CTNNA2: variants seen among roughly 807,000 people sequenced by gnomAD.
CTNNA2 encodes catenin alpha 2.
Under a neutral mutation model 101.0 loss-of-function variants are expected in CTNNA2, and 42 were observed. The observed-to-expected ratio is 0.42, with a 90% CI of 0.32 to 0.54. CTNNA2 has a LOEUF of 0.54. Among genes scored for constraint, CTNNA2 ranks in the 20% least tolerant of loss-of-function variants. The pLI is 0.14. For missense variants in CTNNA2, 871 were observed against 1,223.1 expected (o/e 0.71, Z 4.29); for synonymous variants, 450 against 456.4 (o/e 0.99, Z 0.18).
chr2:80,623,768 G>A (rs1671389107), intron 18 of CTNNA2, among the ~76,000 whole-genome samples: 1 of 151,844 alleles, frequency 6.6e-6, no homozygotes, highest in Admixed American at 6.6e-5. Context: ...GCACACAACA[G>A]GTGATTCATT....
intron 1 of CTNNA2, among the ~76,000 whole-genome samples, chr2:79,637,363 C>G (rs1344997193): frequency 6.6e-6 from 1 of 152,020 alleles, no homozygotes; most frequent in South Asian, 2.1e-4. Flanking sequence ...GCCCCATCTT[C>G]TAATAAGGCA....
upstream of CTNNA2, among the ~76,000 whole-genome samples, chr2:79,512,808 C>T (rs892393362): frequency 5.6e-4 from 85 of 151,446 alleles, 1 homozygote; most frequent in African/African-American, 2.0e-3. Context: ...CCAGGCCGCG[C>T]GCGCCCGCGG....
intron 4 of CTNNA2, among the ~76,000 whole-genome samples, chr2:79,437,024 A>G (rs1203200066): frequency 6.6e-6 from 1 of 152,034 alleles, no homozygotes; most frequent in Non-Finnish European, 1.5e-5. Context: ...ACCTGAGGTC[A>G]GGAGTTTGAG....
intron 2 of CTNNA2, among the ~76,000 whole-genome samples, chr2:79,718,848 T>C (rs1686285513): frequency 6.7e-6 from 1 of 149,276 alleles, no homozygotes; most frequent in Non-Finnish European, 1.5e-5. Context: ...GTGGTGGTGG[T>C]GGTGATTGTT....
intron 7 of CTNNA2, among the ~76,000 whole-genome samples, chr2:79,997,810 A>G (rs1406731841): frequency 1.3e-5 from 2 of 152,164 alleles, no homozygotes; most frequent in Admixed American, 6.5e-5. Flanking sequence ...CTCCTTGGCC[A>G]TGGAGAATTA....
chr2:79,649,895 C>T lies in CTNNA2; in HGVS notation c.-5-1657C>T, dbSNP rs142902073. On this transcript the variant is annotated intron_variant, in intron 1 of 18. Transcript: ENST00000402739. The stretch of plus-strand genomic sequence containing the variant: ...AGCTGTAAGAGAGCCAGTAAAGAGG[C>T]ACATTTCTACTAGTGCCTATTGTGA... 8.5e-3 allele frequency among the ~76,000 whole-genome samples: 1,289 copies of T among 152,126 alleles called. 26 individuals carry two copies. Among genetic ancestry groups the T allele is most frequent in the African/African-American group, 0.028 (1,172 of 41,516 alleles).
intron 7 of CTNNA2, among the ~76,000 whole-genome samples, chr2:80,048,979 G>T (rs1298779951): frequency 6.6e-6 from 1 of 152,154 alleles, no homozygotes; most frequent in Non-Finnish European, 1.5e-5. Flanking sequence ...ATGGTTAAAA[G>T]ACAGGCTGGG....
intron 7 of CTNNA2, among the ~76,000 whole-genome samples, chr2:80,110,299 C>T (rs1056777330): frequency 6.6e-6 from 1 of 152,086 alleles, no homozygotes; most frequent in Non-Finnish European, 1.5e-5. Flanking sequence ...ATGTTACCTC[C>T]CTTCATTCTG....
intron 2 of CTNNA2, among the ~76,000 whole-genome samples, chr2:79,256,443 T>A (rs1339552143): frequency 6.6e-6 from 1 of 152,050 alleles, no homozygotes; most frequent in East Asian, 1.9e-4. Flanking sequence ...CACTAATGAC[T>A]ATGAAATGAA....
Position 80,252,127 on chromosome 2 carries a change from G to C in CTNNA2, c.1057-141084G>C, listed in dbSNP as rs570238068. 1.7e-3 allele frequency among the ~76,000 whole-genome samples: 264 copies of C among 152,040 alleles called. 1 individual carries two copies. Among genetic ancestry groups the C allele is most frequent in the African/African-American group, 5.8e-3 (239 of 41,458 alleles). On this transcript the variant is annotated intron_variant, in intron 7 of 18. Coordinates refer to ENST00000402739, the MANE Select transcript of CTNNA2 (RefSeq NM_001282597.3). The stretch of plus-strand genomic sequence containing the variant: ...CTTAAAACATCCTATTAGATATTAC[G>C]GTAAGTTATTTACATCTCTCTGTGC...
At chr2:79,727,941 T>C (rs1309213179) in intron 2 of CTNNA2, among the ~76,000 whole-genome samples, 2 of 152,224 alleles carry the variant, frequency 1.3e-5, no homozygotes, top group South Asian at 2.1e-4. Context: ...TATTCCATGG[T>C]GTTTATGTGC....
At chr2:80,638,220 G>A (rs1184264323) in intron 18 of CTNNA2, among the ~76,000 whole-genome samples, 1 of 152,112 alleles carries the variant, frequency 6.6e-6, no homozygotes, top group African/African-American at 2.4e-5. Context: ...AACCTTGGGT[G>A]GTCAAGACAT....
chr2:79,340,644 T>C (rs570539903), intron 3 of CTNNA2, among the ~76,000 whole-genome samples: 4 of 151,930 alleles, frequency 2.6e-5, no homozygotes, highest in Non-Finnish European at 4.4e-5. Context: ...CCGTCCTGGC[T>C]AACACGGTGA....
Position 79,376,451 on chromosome 2 carries a change from G to GTTT in CTNNA2, c.-135+2440_-135+2442dup, listed in dbSNP as rs200549562. The stretch of plus-strand genomic sequence containing the variant: ...AGCCAAAATAGCCCCTTGTTGGTTG[G>GTTT]TTTTGTTTTTGTTTTTGTTTTTTTG... On this transcript the variant is annotated intron_variant, in intron 4 of 21. Transcript: ENST00000466387. 5.6e-3 allele frequency among the ~76,000 whole-genome samples: 829 copies of GTTT among 148,922 alleles called. 7 individuals carry two copies. Among genetic ancestry groups the GTTT allele is most frequent in the African/African-American group, 0.017 (712 of 40,798 alleles).
intron 7 of CTNNA2, chr2:80,305,252 A>C (rs1293105918): frequency 2.0e-6 from 2 of 985,150 alleles, no homozygotes; most frequent in Non-Finnish European, 1.2e-6. Flanking sequence ...GAGAGGGGAA[A>C]TGCTTTCCAA....
In CTNNA2 at chr2:79,909,639, C is replaced by T. The variant is rs2104322003; in HGVS notation, c.898C>T (p.Arg300Trp). 3 of 1,613,196 alleles carry T rather than the reference C, an allele frequency of 1.9e-6. No individual in the cohort carries two copies. Among genetic ancestry groups the T allele is most frequent in the Non-Finnish European group, 2.5e-6 (3 of 1,179,310 alleles). The change falls in exon 7 of 19, where the codon CGG becomes TGG. Residue 300 changes from arginine (R) to tryptophan (W), a missense_variant. Physicochemically the swap from Arg to Trp is moderately radical, Grantham distance 101. This residue lies in a region of CTNNA2 where 647 missense variants were observed against 831.5 expected (regional missense o/e 0.78). Coordinates refer to ENST00000402739, the MANE Select transcript of CTNNA2 (RefSeq NM_001282597.3). ...DPMTFSEARF[R>W]PSLEERLESI... ...CATGACGTTCAGCGAGGCCAGGTTC[C>T]GGCCGTCCCTGGAGGAGAGGCTGGA...
At position 79,573,270 on chromosome 2, in the gene CTNNA2, C is replaced by T. The variant is rs139609708; in HGVS notation, c.-6+60063C>T. 9.2e-3 allele frequency among the ~76,000 whole-genome samples: 1,397 copies of T among 152,280 alleles called. 16 individuals carry two copies. Among genetic ancestry groups the T allele is most frequent in the Admixed American group, 0.021 (324 of 15,288 alleles). ...CAATATCCTTTTCAAAGTAGGAAGT[C>T]TCCATAACGATAGGCAACAAGTGTC... On this transcript the variant is annotated intron_variant, in intron 1 of 18. Coordinates refer to ENST00000402739, the MANE Select transcript of CTNNA2 (RefSeq NM_001282597.3).
intron 3 of CTNNA2, among the ~76,000 whole-genome samples, chr2:79,752,831 A>G (rs1044223724): frequency 6.6e-6 from 1 of 152,192 alleles, no homozygotes; most frequent in African/African-American, 2.4e-5. Context: ...AGCCCAAAAA[A>G]GAAGTATCAG....
At chr2:80,437,194 G>A (rs558387639) in intron 9 of CTNNA2, among the ~76,000 whole-genome samples, 47 of 152,202 alleles carry the variant, frequency 3.1e-4, no homozygotes, top group Non-Finnish European at 4.4e-4. Context: ...AATTTCTGTC[G>A]TTGATAAATT....
Sources: gnomAD v4.1 joint callset for allele counts (sites outside exome capture counted in the v4.1 genomes callset) on GRCh38, gnomAD v4.1.1 for gene constraint, gnomAD v4.1.1 regional missense constraint, MANE v1.5 for transcripts, NCBI Gene and HGNC (gene_info 2026-07-23, HGNC 2026-07-21) for gene names.